Variants in TPTE2 observed in about 807,000 individuals in gnomAD.
TPTE2 encodes phosphatidylinositol 3,4,5-trisphosphate 3-phosphatase TPTE2.
In TPTE2, 53 loss-of-function variants were observed where a neutral mutation model predicts 78.6. That is an observed-to-expected ratio of 0.67 (90% CI 0.54 to 0.85). The LOEUF (loss-of-function observed/expected upper bound fraction) is 0.85. TPTE2 is among the 40% of genes least tolerant of loss of function. The pLI is 0.00. For missense variants in TPTE2, 461 were observed against 623.0 expected (o/e 0.74, Z 2.77); for synonymous variants, 175 against 206.2 (o/e 0.85, Z 1.30).
chr13:19,541,002 G>A (rs193246682), upstream of TPTE2, among the ~76,000 whole-genome samples: 7 of 152,310 alleles, frequency 4.6e-5, no homozygotes, highest in East Asian at 1.3e-3. Flanking sequence ...TCACAAGGCT[G>A]TAATCAAGGT....
chr13:19,541,537 C>A (rs1486597863), upstream of TPTE2, among the ~76,000 whole-genome samples: 1 of 152,152 alleles, frequency 6.6e-6, no homozygotes, highest in East Asian at 1.9e-4. Context: ...TAAAGGAAAT[C>A]ATTTAGTACT....
chr13:19,550,673 G>A, the TPTE2 span, among the ~76,000 whole-genome samples: 20 of 152,242 alleles, frequency 1.3e-4, no homozygotes, highest in South Asian at 3.9e-3. Context: ...GGCTTGGAGA[G>A]ATCAATTCTG....
At chr13:19,488,925 C>T (rs1046877218) in intron 3 of TPTE2, among the ~76,000 whole-genome samples, 2 of 152,128 alleles carry the variant, frequency 1.3e-5, no homozygotes, top group African/African-American at 2.4e-5. Context: ...TCATTTCTAG[C>T]TTTTGGTTTA....
chr13:19,465,570 A>G lies in TPTE2; in HGVS notation c.513-6T>C. ...GTCGAACTAAATGTGTCCATCTAAC[A>G]ATAAATTTAAAAGATCCATTTTTGC... On this transcript the variant is annotated splice_region_variant and splice_polypyrimidine_tract_variant and intron_variant, in intron 7 of 19. Coordinates refer to ENST00000400230, the Ensembl canonical transcript of TPTE2. 1 of 1,577,138 alleles carries G rather than the reference A, an allele frequency of 6.3e-7. No homozygotes were observed. Among genetic ancestry groups the G allele is most frequent in the Non-Finnish European group, 8.6e-7 (1 of 1,165,916 alleles).
intron 10 of TPTE2, among the ~76,000 whole-genome samples, chr13:19,463,706 G>A (rs182240959): frequency 6.6e-6 from 1 of 152,188 alleles, no homozygotes; most frequent in African/African-American, 2.4e-5. Context: ...TTGGTTCTGG[G>A]TGGGTGCAGT....
chr13:19,464,077 C>T (rs1231573702), intron 10 of TPTE2, among the ~76,000 whole-genome samples: 1 of 152,128 alleles, frequency 6.6e-6, no homozygotes, highest in Non-Finnish European at 1.5e-5. Flanking sequence ...TGCAGTGGCT[C>T]TGTCAGTTGA....
At chr13:19,532,832 A>G (rs1174065136) in intron 1 of TPTE2, among the ~76,000 whole-genome samples, 1 of 152,176 alleles carries the variant, frequency 6.6e-6, no homozygotes, top group Non-Finnish European at 1.5e-5. Context: ...CACAACCCCT[A>G]CCTTTAAGGA....
intron 14 of TPTE2, among the ~76,000 whole-genome samples, chr13:19,437,036 G>GACACACACAC (rs1555247879): frequency 1.9e-4 from 3 of 15,900 alleles, no homozygotes; most frequent in East Asian, 4.9e-3. Flanking sequence ...ATAAACCTAG[G>GACACACACAC]AGACACACAC....
intron 13 of TPTE2, 59 bp downstream of exon 16, chr13:19,450,017 A>G (rs2051907887): frequency 1.3e-6 from 2 of 1,586,108 alleles, no homozygotes; most frequent in Admixed American, 3.6e-5. Flanking sequence ...TTGTTCTTCT[A>G]CTTTATCTAT....
intron 3 of TPTE2, among the ~76,000 whole-genome samples, chr13:19,489,743 CAT>C (rs953307703): frequency 2.2e-4 from 27 of 120,346 alleles, no homozygotes; most frequent in African/African-American, 6.6e-4. Flanking sequence ...TACACACACA[CAT>C]ATATACATGT....
chr13:19,474,394 C>A (rs1879815411), intron 5 of TPTE2, among the ~76,000 whole-genome samples: 1 of 152,160 alleles, frequency 6.6e-6, no homozygotes, highest in Non-Finnish European at 1.5e-5. Flanking sequence ...ATTAAAATCA[C>A]CTGTGTCTGT....
At chr13:19,458,591 T>C in intron 10 of TPTE2, 4 of 456,982 alleles carry the variant, frequency 8.8e-6, no homozygotes, top group South Asian at 6.4e-5. Flanking sequence ...TCCAATGGCC[T>C]GACCTGTCTT....
intron 6 of TPTE2, among the ~76,000 whole-genome samples, chr13:19,469,308 C>T (rs1879466192): frequency 6.6e-6 from 1 of 152,150 alleles, no homozygotes; most frequent in Admixed American, 6.6e-5. Context: ...GCTCTTGGCA[C>T]ATTTACTAAA....
chr13:19,493,633 A>T (rs546266192), intron 1 of TPTE2, 132 bp from the exon 5 acceptor site: 1 of 814,942 alleles, frequency 1.2e-6, no homozygotes, highest in East Asian at 2.5e-5. Flanking sequence ...GCACTATTGG[A>T]ACCTGGAATG....
upstream of TPTE2, among the ~76,000 whole-genome samples, chr13:19,538,995 G>A (rs1412498035): frequency 6.6e-6 from 1 of 152,186 alleles, no homozygotes; most frequent in Non-Finnish European, 1.5e-5. Flanking sequence ...TTGCTGGTGG[G>A]GACTCTACAG....
At chr13:19,455,072 C>T (rs1878457492) in intron 10 of TPTE2, among the ~76,000 whole-genome samples, 2 of 152,168 alleles carry the variant, frequency 1.3e-5, no homozygotes, top group Admixed American at 1.3e-4. Context: ...ACTTCCACCT[C>T]AAATAAATAG....
intron 15 of TPTE2, among the ~76,000 whole-genome samples, chr13:19,435,378 C>T (rs1412401669): frequency 6.6e-6 from 1 of 152,086 alleles, no homozygotes; most frequent in Non-Finnish European, 1.5e-5. Flanking sequence ...GATCTGACGA[C>T]TGAAATTTCC....
At chr13:19,476,115 CAT>C (rs1879921855) in intron 4 of TPTE2, among the ~76,000 whole-genome samples, 1 of 152,230 alleles carries the variant, frequency 6.6e-6, no homozygotes, top group Admixed American at 6.5e-5. Flanking sequence ...AACAGATACA[CAT>C]GAGCAAGAGT....
chr13:19,476,637 A>G (rs1380539455), intron 4 of TPTE2, among the ~76,000 whole-genome samples: 2 of 152,208 alleles, frequency 1.3e-5, no homozygotes, highest in Non-Finnish European at 2.9e-5. Flanking sequence ...CAGATTTTAG[A>G]GAAATGCAAA....
Sources: gnomAD v4.1 joint callset for allele counts (sites outside exome capture counted in the v4.1 genomes callset) on GRCh38, gnomAD v4.1.1 for gene constraint, MANE v1.5 for transcripts, NCBI Gene and HGNC (gene_info 2026-07-23, HGNC 2026-07-21) for gene names.